DCP1A: variants seen among roughly 807,000 people sequenced by gnomAD.
DCP1A encodes mRNA-decapping enzyme 1A.
Under a neutral mutation model 58.0 loss-of-function variants are expected in DCP1A, and 20 were observed. That is an observed-to-expected ratio of 0.34 (90% CI 0.24 to 0.50). The LOEUF is 0.50. Ranked by LOEUF, DCP1A falls within the 20% of genes least tolerant of loss-of-function variation. The pLI, the probability that DCP1A is intolerant of heterozygous loss-of-function variation, is 0.98. For missense variants in DCP1A, 613 were observed against 712.2 expected (o/e 0.86, Z 1.59); for synonymous variants, 285 against 275.1 (o/e 1.04, Z -0.36).
chr3:53,341,316 G>A (rs781884978), intron 3 of DCP1A, among the ~76,000 whole-genome samples: 8 of 151,996 alleles, frequency 5.3e-5, no homozygotes, highest in Admixed American at 6.6e-5. Flanking sequence ...TTAGCCAGGC[G>A]TGGTGGCGGG....
chr3:53,294,871 T>C (rs1349656161), intron 6 of DCP1A, among the ~76,000 whole-genome samples: 1 of 152,222 alleles, frequency 6.6e-6, no homozygotes, highest in African/African-American at 2.4e-5. Flanking sequence ...AGGCAGGGGC[T>C]CTCTTTCTCA....
intron 8 of DCP1A, chr3:53,290,590 A>T: frequency 1.5e-6 from 1 of 658,752 alleles, no homozygotes; most frequent in South Asian, 1.7e-5. Flanking sequence ...CTTTTACTTC[A>T]CATCCAGCAG....
intron 2 of DCP1A, among the ~76,000 whole-genome samples, chr3:53,344,650 A>G (rs1294370032): frequency 1.3e-5 from 2 of 152,202 alleles, no homozygotes; most frequent in Admixed American, 1.3e-4. Flanking sequence ...CATCCATTTT[A>G]GACTCAATCA....
In DCP1A at chr3:53,307,708, T is replaced by C. The variant is rs529065161; in HGVS notation, c.511-3418A>G. ...ATCAGACAAACCTGCTGGAGGGTGA[T>C]TTTATAATATTTGGTAAAAATCTTA... On this transcript the variant is annotated intron_variant, in intron 5 of 9. Coordinates refer to ENST00000610213, the MANE Select transcript of DCP1A (RefSeq NM_018403.7). Among the ~76,000 whole-genome samples, 3 of 152,324 alleles carry C rather than the reference T, an allele frequency of 2.0e-5. No homozygotes were observed. The South Asian group carries it at 6.2e-4, about 32-fold the overall frequency.
intron 3 of DCP1A, among the ~76,000 whole-genome samples, chr3:53,331,116 C>T (rs2088991957): frequency 6.6e-6 from 1 of 152,128 alleles, no homozygotes; most frequent in African/African-American, 2.4e-5. Flanking sequence ...CTTGGCCTCC[C>T]AAAGTGCTGG....
At chr3:53,306,883 A>G (rs992820800) in intron 5 of DCP1A, among the ~76,000 whole-genome samples, 1 of 139,410 alleles carries the variant, frequency 7.2e-6, no homozygotes, top group East Asian at 2.1e-4. Flanking sequence ...TTCTTTTGCT[A>G]TTTTTTTGTA....
rs1245472052 is a variant in DCP1A at position 53,283,546 on chromosome 3, C to A, written c.*4034G>T. ...TAATAACTTAATATTTGCAAACATA[C>A]ACAGATGCTATAAAATCCATACCAT... On this transcript the variant is annotated 3_prime_UTR_variant, in exon 10 of 10. Transcript: ENST00000610213. The A allele has an allele frequency of 6.6e-6, 1 of 152,078 alleles. No individual in the cohort carries two copies. The highest frequency in any genetic ancestry group is 2.4e-5 in the African/African-American group (1 of 41,406). 9.4% of individuals were successfully genotyped at this position (152,078 alleles called of 1,614,324 possible). A position where few individuals can be genotyped will look rare whatever the true frequency, so the allele number is the denominator to read the frequency against.
intron 3 of DCP1A, among the ~76,000 whole-genome samples, chr3:53,333,621 A>G (rs1353882305): frequency 6.6e-6 from 1 of 151,854 alleles, no homozygotes; most frequent in African/African-American, 2.4e-5. Flanking sequence ...TGGGCAATAA[A>G]GCAAAACCCT....
At chr3:53,338,451 C>T (rs2089152487) in intron 3 of DCP1A, among the ~76,000 whole-genome samples, 1 of 152,064 alleles carries the variant, frequency 6.6e-6, no homozygotes, top group South Asian at 2.1e-4. Context: ...ACCACTACCC[C>T]ACAAAGATTT....
At chr3:53,338,361 T>C (rs529955907) in intron 3 of DCP1A, among the ~76,000 whole-genome samples, 7 of 152,108 alleles carry the variant, frequency 4.6e-5, no homozygotes, top group East Asian at 3.9e-4. Context: ...GGCGGGAGAA[T>C]TGCTTGAGCC....
At chr3:53,299,716 T>C (rs1277049823) in intron 6 of DCP1A, among the ~76,000 whole-genome samples, 1 of 152,252 alleles carries the variant, frequency 6.6e-6, no homozygotes, top group African/African-American at 2.4e-5. Flanking sequence ...TACTTGCTCC[T>C]CAGCACTAGA....
intron 3 of DCP1A, among the ~76,000 whole-genome samples, chr3:53,337,116 C>T (rs1308653978): frequency 6.6e-6 from 1 of 152,130 alleles, no homozygotes; most frequent in Non-Finnish European, 1.5e-5. Flanking sequence ...AGGTGATCCA[C>T]CCGCCTTGGC....
chr3:53,323,731 G>C (rs1708036148), intron 3 of DCP1A, among the ~76,000 whole-genome samples: 1 of 151,880 alleles, frequency 6.6e-6, no homozygotes, highest in African/African-American at 2.4e-5. Context: ...GCGTGGTGAT[G>C]CATGTTTATA....
At chr3:53,314,657 TTTTC>T (rs1553689007) in intron 4 of DCP1A, among the ~76,000 whole-genome samples, 4 of 132,976 alleles carry the variant, frequency 3.0e-5, no homozygotes, top group African/African-American at 8.5e-5. Context: ...AGAATATTTC[TTTTC>T]TTTTTCTTTT....
chr3:53,345,118 T>C (rs577265738), intron 1 of DCP1A, among the ~76,000 whole-genome samples, 176 bp from the exon 2 acceptor site: 1 of 152,336 alleles, frequency 6.6e-6, no homozygotes, highest in Non-Finnish European at 1.5e-5. Flanking sequence ...GTGGTTACCA[T>C]TTCTAATGTA....
At position 53,321,585 on chromosome 3, in the gene DCP1A, A is replaced by G. The variant is rs201015487; in HGVS notation, c.305-2112T>C. On this transcript the variant is annotated intron_variant, in intron 3 of 9. Transcript: ENST00000610213. ...AAATACAAAATTAGCCGGGCATGGT[A>G]GCGCATGCCCGTAATCCCAGCTACT... Among the ~76,000 whole-genome samples the G allele has an allele frequency of 7.2e-5, 11 of 152,200 alleles. No homozygotes were observed. In the East Asian group the frequency reaches 2.1e-3, roughly 30 times the overall value.
chr3:53,310,213 G>A (rs1707602936), intron 5 of DCP1A, among the ~76,000 whole-genome samples: 1 of 152,142 alleles, frequency 6.6e-6, no homozygotes, highest in African/African-American at 2.4e-5. Flanking sequence ...TTATTCCATA[G>A]TGTGAAAGAA....
rs552628754 is a variant in DCP1A, at chr3:53,321,362, A to G, written c.305-1889T>C. 1.1e-4 allele frequency among the ~76,000 whole-genome samples: 16 copies of G among 152,376 alleles called. No individual in the cohort carries two copies. In the South Asian group the frequency reaches 2.7e-3, roughly 26 times the overall value. ...ATTTTTATGGATGGGAATAGGGGTT[A>G]ACGGAGAGACTAAGTAACTTATTAA... On this transcript the variant is annotated intron_variant, in intron 3 of 9. Coordinates refer to ENST00000610213, the MANE Select transcript of DCP1A (RefSeq NM_018403.7).
At chr3:53,306,770 CAA>C (rs1169051475) in intron 5 of DCP1A, among the ~76,000 whole-genome samples, 35 of 34,620 alleles carry the variant, frequency 1.0e-3, no homozygotes, top group African/African-American at 2.8e-3. Context: ...GACTCCGTCT[CAA>C]AAAAAAAAAA....
Sources: allele counts gnomAD v4.1 joint callset (sites outside exome capture counted in the v4.1 genomes callset), GRCh38; gene constraint gnomAD v4.1.1; transcripts MANE v1.5; gene names NCBI Gene and HGNC (gene_info 2026-07-23, HGNC 2026-07-21).